NBEA: variants seen among roughly 807,000 people sequenced by gnomAD.
NBEA encodes neurobeachin.
NBEA carries 44 observed loss-of-function variants against 343.4 expected under a neutral mutation model. That is an observed-to-expected ratio of 0.13 (90% confidence interval 0.10 to 0.16). The LOEUF is 0.16. Among genes scored for constraint, NBEA ranks in the 10% least tolerant of loss-of-function variants. NBEA has a pLI of 1.00. For missense variants in NBEA, 2,555 were observed against 3,631.3 expected, an observed-to-expected ratio of 0.70 and a Z score of 7.62; for synonymous variants, 1,175 against 1,238.7, an observed-to-expected ratio of 0.95 and a Z score of 1.08.
chr13:35,413,795 TA>T (rs1427560242), intron 38 of NBEA, among the ~76,000 whole-genome samples: 1 of 152,142 alleles, frequency 6.6e-6, no homozygotes. Flanking sequence ...GAACAAAATA[TA>T]CATATGATGC....
Position 35,652,261 on chromosome 13 carries a change from G to A in NBEA, c.8035+385G>A, listed in dbSNP as rs1199470575. Among the ~76,000 whole-genome samples, 5 of 151,774 alleles carry A rather than the reference G, an allele frequency of 3.3e-5. No individual in the cohort carries two copies. The East Asian group carries it at 9.7e-4, about 29-fold the overall frequency. ...CCTGATGTAAATGACAAGTTGATGGGTGCAGCAAACCAACATGGCACATGT... is the reference window on the plus strand; with the variant it reads ...CCTGATGTAAATGACAAGTTGATGGATGCAGCAAACCAACATGGCACATGT... On this transcript the variant is annotated intron_variant, in intron 53 of 58. Coordinates refer to ENST00000379939, the MANE Select transcript of NBEA (RefSeq NM_001385012.1).
intron 17 of NBEA, among the ~76,000 whole-genome samples, chr13:35,128,416 C>T (rs1487108545): frequency 1.3e-5 from 2 of 152,134 alleles, no homozygotes; most frequent in African/African-American, 2.4e-5. Flanking sequence ...GACTTCAGAA[C>T]GAACTTTAAT....
chr13:35,108,518 C>A (rs374480394), intron 11 of NBEA, among the ~76,000 whole-genome samples: 1 of 151,790 alleles, frequency 6.6e-6, no homozygotes. Flanking sequence ...TGATAATATG[C>A]AATATATTAT....
chr13:35,627,189 A>C (rs894499934), intron 48 of NBEA, among the ~76,000 whole-genome samples: 1 of 152,244 alleles, frequency 6.6e-6, no homozygotes, highest in African/African-American at 2.4e-5. Flanking sequence ...GCCGTAATTT[A>C]GAAAATTGTC....
At chr13:35,621,476 T>A (rs1217214429) in intron 48 of NBEA, among the ~76,000 whole-genome samples, 1 of 152,172 alleles carries the variant, frequency 6.6e-6, no homozygotes, top group Non-Finnish European at 1.5e-5. Context: ...CCCATCCTGC[T>A]TTTCTGTTTC....
chr13:34,981,757 T>C (rs924210600), intron 1 of NBEA, among the ~76,000 whole-genome samples: 1 of 151,876 alleles, frequency 6.6e-6, no homozygotes, highest in Non-Finnish European at 1.5e-5. Flanking sequence ...TAATGGGGTT[T>C]TCTTTTTAAT....
intron 1 of NBEA, among the ~76,000 whole-genome samples, chr13:35,001,941 TAATTAAA>T (rs1235804930): frequency 6.6e-6 from 1 of 152,174 alleles, no homozygotes; most frequent in African/African-American, 2.4e-5. Context: ...ATTATTATGT[TAATTAAA>T]AATTAAAATA....
Position 35,100,369 on chromosome 13 carries a change from C to G in NBEA, c.1680+1964C>G, listed in dbSNP as rs770606879. 1.3e-4 allele frequency among the ~76,000 whole-genome samples: 20 copies of G among 151,980 alleles called. No homozygotes were observed. The South Asian group carries it at 2.9e-3, about 22-fold the overall frequency. On this transcript the variant is annotated intron_variant, in intron 11 of 58. Transcript: ENST00000379939. ...CATTTCTTTATTAAGATGATTTTTT[C>G]CATAACATTATTAAGAACTTAAGGT...
At position 35,285,148 on chromosome 13, in the gene NBEA, G is replaced by T. The variant is rs191246853; in HGVS notation, c.5777-5241G>T. Among the ~76,000 whole-genome samples the T allele has an allele frequency of 1.1e-4, 16 of 152,192 alleles. No homozygotes were observed. The East Asian group carries it at 3.1e-3, about 29-fold the overall frequency. ...TGGGGATTTTTAAAAGTTAAGAATA[G>T]GCTGGACCTGGTGGCTCAAGCCTGT... On this transcript the variant is annotated intron_variant, in intron 34 of 58. Coordinates refer to ENST00000379939, the MANE Select transcript of NBEA (RefSeq NM_001385012.1).
chr13:35,137,429 G>T (rs1301677714), intron 17 of NBEA, among the ~76,000 whole-genome samples: 1 of 149,840 alleles, frequency 6.7e-6, no homozygotes, highest in African/African-American at 2.5e-5. Flanking sequence ...CAGCCTGGGC[G>T]ACTGAGCAAC....
intron 1 of NBEA, among the ~76,000 whole-genome samples, chr13:35,004,471 GA>G (rs1173416631): frequency 6.6e-6 from 1 of 152,038 alleles, no homozygotes; most frequent in Non-Finnish European, 1.5e-5. Flanking sequence ...GTTAAAGGGG[GA>G]AAAAAGCACT....
intron 38 of NBEA, among the ~76,000 whole-genome samples, chr13:35,423,147 G>A (rs1298130281): frequency 3.3e-5 from 5 of 152,102 alleles, no homozygotes; most frequent in African/African-American, 1.2e-4. Flanking sequence ...AAGCTCTTTA[G>A]TTTAATTAGA....
At chr13:35,627,969 T>G (rs2083298351) in intron 48 of NBEA, 112 bp from the exon 49 acceptor site, 3 of 770,214 alleles carry the variant, frequency 3.9e-6, no homozygotes, top group Admixed American at 7.0e-5. Flanking sequence ...GTACAGAAAT[T>G]TAAAGAGCAT....
chr13:35,578,734 A>G (rs2080867688), intron 45 of NBEA, among the ~76,000 whole-genome samples: 1 of 152,092 alleles, frequency 6.6e-6, no homozygotes, highest in Admixed American at 6.5e-5. Context: ...ACTCTTGAAC[A>G]TTTTATGTGT....
intron 38 of NBEA, among the ~76,000 whole-genome samples, chr13:35,354,684 G>A (rs1310313852): frequency 1.3e-5 from 2 of 152,018 alleles, no homozygotes; most frequent in Admixed American, 6.6e-5. Flanking sequence ...GTTTTGTTCT[G>A]TTTAATTCTC....
At chr13:35,420,349 G>A (rs1030677707) in intron 38 of NBEA, among the ~76,000 whole-genome samples, 4 of 151,900 alleles carry the variant, frequency 2.6e-5, no homozygotes, top group African/African-American at 9.7e-5. Context: ...GCTAAATTTT[G>A]TCAAATATCT....
chr13:35,416,147 G>T (rs956003296), intron 38 of NBEA, among the ~76,000 whole-genome samples: 17 of 152,002 alleles, frequency 1.1e-4, no homozygotes, highest in Non-Finnish European at 2.5e-4. Context: ...GAGATGATGG[G>T]GTTTTCTAAA....
At chr13:35,458,452 T>C (rs1594705957) in intron 40 of NBEA, among the ~76,000 whole-genome samples, 1 of 152,228 alleles carries the variant, frequency 6.6e-6, no homozygotes, top group Admixed American at 6.5e-5. Flanking sequence ...AAAAATGTTA[T>C]GTAGGTAAAC....
intron 34 of NBEA, 97 bp from the exon 35 acceptor site, chr13:35,290,292 A>G: frequency 1.3e-6 from 1 of 755,346 alleles, no homozygotes; most frequent in South Asian, 1.7e-5. Context: ...TTTAAAAGAA[A>G]GTTTTTTTTA....
Sources: allele counts gnomAD v4.1 joint callset (sites outside exome capture counted in the v4.1 genomes callset), GRCh38; gene constraint gnomAD v4.1.1; transcripts MANE v1.5; gene names NCBI Gene and HGNC (gene_info 2026-07-23, HGNC 2026-07-21).